Variants in PAPSS2 observed in about 807,000 individuals in gnomAD.
The protein encoded by PAPSS2 is bifunctional 3'-phosphoadenosine 5'-phosphosulfate synthase 2.
A neutral mutation model predicts 66.5 loss-of-function variants in PAPSS2; 61 were observed. The ratio of observed to expected loss-of-function variants is 0.92; its 90% CI spans 0.75 to 1.14. The LOEUF (loss-of-function observed/expected upper bound fraction) is 1.14. Among genes scored for constraint, PAPSS2 ranks in the 50% most tolerant of loss-of-function variants. PAPSS2 has a pLI of 0.00. For missense variants in PAPSS2, 708 were observed against 789.6 expected (o/e 0.90, Z 1.24); for synonymous variants, 289 against 287.5 (o/e 1.01, Z -0.05).
Position 87,713,312 on chromosome 10 carries a change from T to TAAAAAAAAAAAAAAAAAAAAAAAA in PAPSS2, c.381+24_381+25insAAAAAAAAAAAAAAAAAAAAAAAA, listed in dbSNP as rs367885911. ...AGCTTTATTTCTCCATTCGCAAAGG[T>TAAAAAAAAAAAAAAAAAAAAAAAA]AAAAAAAAAAAAAAAAAAAAAAGGC... On this transcript the variant is annotated splice_region_variant and intron_variant, in intron 3 of 12. Transcript: ENST00000456849. The TAAAAAAAAAAAAAAAAAAAAAAAA allele has an allele frequency of 1.4e-4, 81 of 575,146 alleles. 2 individuals carry two copies. Among genetic ancestry groups the TAAAAAAAAAAAAAAAAAAAAAAAA allele is most frequent in the East Asian group, 1.0e-3 (19 of 18,768 alleles). 35.6% of individuals were successfully genotyped at this position (575,146 alleles called of 1,614,324 possible).
intron 9 of PAPSS2, among the ~76,000 whole-genome samples, chr10:87,736,967 C>T (rs893164420): frequency 8.5e-5 from 13 of 152,124 alleles, no homozygotes; most frequent in South Asian, 2.1e-4. Flanking sequence ...CTGCTTGGCC[C>T]GCCCTCAGAA....
At chr10:87,734,071 CA>C (rs1564727141) in intron 9 of PAPSS2, among the ~76,000 whole-genome samples, 1 of 152,178 alleles carries the variant, frequency 6.6e-6, no homozygotes, top group Admixed American at 6.6e-5. Context: ...CTTACTCCCC[CA>C]TAATCTCCCA....
intron 1 of PAPSS2, among the ~76,000 whole-genome samples, chr10:87,675,624 T>C (rs1294473004): frequency 6.6e-6 from 1 of 152,242 alleles, no homozygotes; most frequent in Non-Finnish European, 1.5e-5. Flanking sequence ...TATGCTTCCC[T>C]GTGTTCCATT....
chr10:87,722,464 A>C (rs1853608894), intron 8 of PAPSS2, among the ~76,000 whole-genome samples: 1 of 152,248 alleles, frequency 6.6e-6, no homozygotes, highest in African/African-American at 2.4e-5. Flanking sequence ...ACAGTCCCAA[A>C]CAACCATGAA....
rs1218719510 is a variant in PAPSS2, at chr10:87,727,459, G to A, written c.1056G>A (p.Gly352=). 2.5e-5 allele frequency: 41 copies of A among 1,613,582 alleles called. No homozygotes were observed. The highest frequency in any genetic ancestry group is 3.5e-5 in the Non-Finnish European group (41 of 1,179,768). ...RKEERCSRVW[G]TTCTKHPHIK... ...AGGAACGCTGTTCCCGTGTTTGGGG[G>A]ACAACATGTACAAAACACCCCCATA... Residue 352 remains glycine, a synonymous_variant, in exon 9 of 13, where the codon GGG becomes GGA. Coordinates refer to ENST00000456849, the MANE Select transcript of PAPSS2 (RefSeq NM_001015880.2).
chr10:87,721,298 C>G (rs1934187618), intron 7 of PAPSS2, among the ~76,000 whole-genome samples: 1 of 152,172 alleles, frequency 6.6e-6, no homozygotes, highest in African/African-American at 2.4e-5. Context: ...GTCCTCTAAC[C>G]ATGTGAGATT....
At chr10:87,674,085 C>T (rs1275366907) in intron 1 of PAPSS2, among the ~76,000 whole-genome samples, 1 of 152,156 alleles carries the variant, frequency 6.6e-6, no homozygotes, top group African/African-American at 2.4e-5. Context: ...TCAACCCCTT[C>T]AAGACTGATA....
intron 9 of PAPSS2, among the ~76,000 whole-genome samples, chr10:87,739,468 A>G (rs1183862566): frequency 6.6e-6 from 1 of 152,236 alleles, no homozygotes; most frequent in African/African-American, 2.4e-5. Flanking sequence ...TGTGCCCAAC[A>G]ATAATTAACT....
intron 1 of PAPSS2, among the ~76,000 whole-genome samples, chr10:87,692,031 G>A (rs999933225): frequency 1.3e-5 from 2 of 152,216 alleles, no homozygotes; most frequent in African/African-American, 4.8e-5. Flanking sequence ...TTCAAAGGCT[G>A]TCAGGAAGAC....
At chr10:87,709,426 G>T in intron 2 of PAPSS2, 113 bp downstream of exon 2, 1 of 667,410 alleles carries the variant, frequency 1.5e-6, no homozygotes. Flanking sequence ...TTAGAAGGAG[G>T]CTGGGAGATG....
At chr10:87,730,438 T>C (rs9988780) in intron 9 of PAPSS2, among the ~76,000 whole-genome samples, 13,179 of 152,154 alleles carry the variant, frequency 0.087, 1,252 homozygotes, top group East Asian at 0.41. Flanking sequence ...GGTCTTGTTA[T>C]ATAGATGAAA....
chr10:87,675,959 C>T (rs1395526341), intron 1 of PAPSS2, among the ~76,000 whole-genome samples: 1 of 145,782 alleles, frequency 6.9e-6, no homozygotes, highest in Non-Finnish European at 1.5e-5. Context: ...GCTATTTTCC[C>T]TTTCCACATT....
At chr10:87,713,029 T>G (rs1233950860) in intron 2 of PAPSS2, 46 bp from the exon 3 acceptor site, 2 of 1,051,424 alleles carry the variant, frequency 1.9e-6, no homozygotes, top group Non-Finnish European at 3.0e-6. Flanking sequence ...TTTGTCATCT[T>G]AAACTATCCA....
chr10:87,715,643 G>T, intron 6 of PAPSS2, 89 bp from the exon 7 acceptor site: 1 of 794,826 alleles, frequency 1.3e-6, no homozygotes. Context: ...TCATCCTCCT[G>T]TTAACTGAAT....
rs150079044 is a variant in PAPSS2, at chr10:87,706,108, A to ATGTGTGTGTG, written c.28-3064_28-3055dup. On this transcript the variant is annotated intron_variant, in intron 1 of 12. Transcript: ENST00000456849. ...GGTATATATATATATATATATATATATGTGTGTGTGTGTGTGTGTGTGTGT... is the reference window on the plus strand; with the variant it reads ...GGTATATATATATATATATATATATATGTGTGTGTGTGTGTGTGTGTGTGTGTGTGTGTGT... Among the ~76,000 whole-genome samples the ATGTGTGTGTG allele has an allele frequency of 2.2e-3, 116 of 51,946 alleles. 4 individuals carry two copies. The highest frequency in any genetic ancestry group is 8.0e-3 in the African/African-American group (80 of 9,984). The allele number at this position is 51,946 out of a possible 152,430, so 34.1% of individuals were successfully genotyped here.
chr10:87,713,906 A>G, intron 3 of PAPSS2, 138 bp from the exon 4 acceptor site: 1 of 846,284 alleles, frequency 1.2e-6, no homozygotes, highest in East Asian at 2.6e-5. Flanking sequence ...AAATTTCTGG[A>G]CTTTCTCTCA....
intron 1 of PAPSS2, among the ~76,000 whole-genome samples, chr10:87,697,543 G>A (rs1210503459): frequency 2.0e-5 from 3 of 152,192 alleles, no homozygotes; most frequent in Non-Finnish European, 4.4e-5. Context: ...ACATAGAATT[G>A]TACCAGCTGG....
chr10:87,701,718 C>T (rs1853319856), intron 1 of PAPSS2, among the ~76,000 whole-genome samples: 1 of 152,144 alleles, frequency 6.6e-6, no homozygotes, highest in Non-Finnish European at 1.5e-5. Context: ...AGTCACCGCA[C>T]CCAGCCCAAA....
intron 1 of PAPSS2, among the ~76,000 whole-genome samples, chr10:87,673,616 C>T (rs1168498411): frequency 5.5e-5 from 8 of 146,456 alleles, no homozygotes; most frequent in Non-Finnish European, 1.0e-4. Context: ...AATTCCTTTG[C>T]GAATTTTGGG....
Sources: allele counts gnomAD v4.1 joint callset (sites outside exome capture counted in the v4.1 genomes callset), GRCh38; gene constraint gnomAD v4.1.1; transcripts MANE v1.5; gene names NCBI Gene and HGNC (gene_info 2026-07-23, HGNC 2026-07-21).